Variants in ACACB observed in about 807,000 individuals in gnomAD.
ACACB encodes the protein acetyl-CoA carboxylase beta, also known as acetyl-CoA carboxylase 2.
ACACB carries 209 observed loss-of-function variants against 278.8 expected under a neutral mutation model. That is an observed-to-expected ratio of 0.75 (90% CI 0.67 to 0.84). The LOEUF is 0.84. Ranked by LOEUF, ACACB falls within the 40% of genes least tolerant of loss-of-function variation. The pLI, the probability that ACACB is intolerant of heterozygous loss-of-function variation, is 0.00. For missense variants in ACACB, 2,850 were observed against 3,269.0 expected, an observed-to-expected ratio of 0.87 and a Z score of 3.13; for synonymous variants, 1,174 against 1,285.6, an observed-to-expected ratio of 0.91 and a Z score of 1.86.
At chr12:109,247,732 T>C in intron 40 of ACACB, 29 bp downstream of exon 40, 1 of 1,568,956 alleles carries the variant, frequency 6.4e-7, no homozygotes, top group Non-Finnish European at 8.8e-7. Context: ...AGCTCCTTAA[T>C]TTTGCTCATG....
In ACACB at chr12:109,144,737, T is replaced by C. The variant is rs533459453; in HGVS notation, c.653+4679T>C. On this transcript the variant is annotated intron_variant, in intron 2 of 52. Transcript: ENST00000338432. ...GAGCTTCATAGTTTCTTTCTTTTTC[T>C]TTTTCTTTCTTTCTTTCTTTTTTTT... Among the ~76,000 whole-genome samples, 253 of 100,292 alleles carry C rather than the reference T, an allele frequency of 2.5e-3. 2 individuals carry two copies. Among genetic ancestry groups the C allele is most frequent in the South Asian group, 3.9e-3 (10 of 2,554 alleles). 65.8% of individuals were successfully genotyped at this position (100,292 alleles called of 152,430 possible). A position where few individuals can be genotyped will look rare whatever the true frequency, so the allele number is the denominator to read the frequency against.
chr12:109,178,871 G>A (rs1014546491), intron 9 of ACACB, among the ~76,000 whole-genome samples: 2 of 152,122 alleles, frequency 1.3e-5, no homozygotes, highest in East Asian at 1.9e-4. Context: ...ACCTGGGGCC[G>A]TCCCCCACCT....
intron 25 of ACACB, 32 bp downstream of exon 25, chr12:109,222,652 G>A: frequency 5.0e-6 from 8 of 1,585,310 alleles, no homozygotes; most frequent in Non-Finnish European, 5.2e-6. Context: ...CCCACGATGT[G>A]CGTTTCCCCC....
At chr12:109,185,882 G>T in intron 12 of ACACB, 142 bp downstream of exon 12, 2 of 705,214 alleles carry the variant, frequency 2.8e-6, no homozygotes, top group Non-Finnish European at 4.4e-6. Context: ...CATGGGAAGG[G>T]ACATCCCATG....
In ACACB at chr12:109,183,204, T is replaced by C. The variant is rs368714093; in HGVS notation, c.1819-2375T>C. Among the ~76,000 whole-genome samples, 230 of 152,330 alleles carry C rather than the reference T, an allele frequency of 1.5e-3. 1 individual carries two copies. The highest frequency in any genetic ancestry group is 3.9e-3 in the South Asian group (19 of 4,830). ...TGTAGCTCTGTAATATAACTCATAG[T>C]CAGGTAATTCAATTCCTCCAGTGTT... On this transcript the variant is annotated intron_variant, in intron 11 of 52. Coordinates refer to ENST00000338432, the MANE Select transcript of ACACB (RefSeq NM_001093.4).
intron 9 of ACACB, among the ~76,000 whole-genome samples, chr12:109,177,506 T>A (rs985379090): frequency 1.3e-5 from 2 of 152,200 alleles, no homozygotes; most frequent in Non-Finnish European, 2.9e-5. Flanking sequence ...AATATGTGAA[T>A]GTTGTATAAA....
chr12:109,111,559 TTTC>T, the ACACB span: 2 of 143,972 alleles, frequency 1.4e-5, no homozygotes, highest in African/African-American at 5.1e-5. Flanking sequence ...TTTCTTTCTT[TTTC>T]TTTTTTTTTT....
chr12:109,242,381 T>C (rs894809127), intron 36 of ACACB, 56 bp from the exon 37 acceptor site: 51 of 1,566,948 alleles, frequency 3.3e-5, no homozygotes, highest in Non-Finnish European at 4.2e-5. Context: ...CAGAAATAAA[T>C]TGGGGGAGAT....
intron 31 of ACACB, 99 bp from the exon 32 acceptor site, chr12:109,235,214 A>G (rs1329975929): frequency 2.0e-6 from 2 of 1,000,260 alleles, no homozygotes; most frequent in South Asian, 1.3e-5. Flanking sequence ...TCCACTTAGC[A>G]TAATGTTTAC....
rs748370787 is a variant in ACACB at position 109,139,579 on chromosome 12, G to A, written c.174G>A (p.Pro58=). 4.8e-5 allele frequency: 77 copies of A among 1,613,868 alleles called. No homozygotes were observed. The highest frequency in any genetic ancestry group is 1.8e-4 in the Admixed American group (11 of 59,984). The change falls in exon 2 of 53, where the codon CCG becomes CCA. Residue 58 remains proline (P), a synonymous_variant. Coordinates refer to ENST00000338432, the MANE Select transcript of ACACB (RefSeq NM_001093.4). ...CCTCTGATAACTCAGGGGAGACACC[G>A]CAGAGAAATGGGGAGGGCCACACTC... is the stretch of plus-strand genomic sequence containing the variant. The part of the protein sequence containing the change: ...FPASDNSGET[P]QRNGEGHTLP...
In ACACB at chr12:109,235,667, T is replaced by C; in HGVS notation, c.4446+20T>C. 1 of 1,601,768 alleles carries C rather than the reference T, an allele frequency of 6.2e-7. No individual in the cohort carries two copies. Among genetic ancestry groups the C allele is most frequent in the South Asian group, 1.1e-5 (1 of 90,270 alleles). ...GATGAGGTATGGCCAAAAGTAATGATGTTTTCTCTTCTCTAGCATCTTGTT... is the reference window on the plus strand; with the variant it reads ...GATGAGGTATGGCCAAAAGTAATGACGTTTTCTCTTCTCTAGCATCTTGTT... On this transcript the variant is annotated intron_variant, in intron 33 of 52. Coordinates refer to ENST00000338432, the MANE Select transcript of ACACB (RefSeq NM_001093.4).
intron 39 of ACACB, among the ~76,000 whole-genome samples, chr12:109,246,694 T>TAA (rs1325577558): frequency 6.6e-6 from 1 of 152,080 alleles, no homozygotes; most frequent in Non-Finnish European, 1.5e-5. Context: ...AAAAAGTCTA[T>TAA]AAACCCTGAG....
In ACACB at chr12:109,171,914, G is replaced by C. The variant is rs746611312; in HGVS notation, c.1035G>C (p.Gln345His). The C allele has an allele frequency of 3.1e-6, 5 of 1,613,194 alleles. No individual in the cohort carries two copies. In the Admixed American group the frequency reaches 6.7e-5, roughly 22 times the overall value. Reference sequence around the variant, plus strand: ...ACATTGCCAAGAGAATCCCCGTGCAGGTAGATGGACTGGGGTGCCCAAGTG... The same window carrying C: ...ACATTGCCAAGAGAATCCCCGTGCACGTAGATGGACTGGGGTGCCCAAGTG... Reference protein sequence around the residue: ...IVDIAKRIPVQAVWAGWGHAS... With the variant: ...IVDIAKRIPVHAVWAGWGHAS... Residue 345 changes from glutamine (Q) to histidine (H), a missense_variant and splice_region_variant, in exon 5 of 53, where the codon CAG (glutamine) becomes CAC (histidine). Gln to His is a conservative substitution (Grantham distance 24, BLOSUM62 0). Around this residue, in one of 3 missense-constraint regions of ACACB, gnomAD observed 2,265 missense variants for 2,561.3 expected, o/e 0.88. Coordinates refer to ENST00000338432, the MANE Select transcript of ACACB (RefSeq NM_001093.4).
chr12:109,193,264 C>T (rs1450919136), intron 15 of ACACB, among the ~76,000 whole-genome samples: 4 of 144,268 alleles, frequency 2.8e-5, no homozygotes, highest in African/African-American at 1.0e-4. Flanking sequence ...GTCACACAGG[C>T]TGGAGTGCAA....
At chr12:109,196,079 A>G (rs1213244078) in intron 16 of ACACB, among the ~76,000 whole-genome samples, 1 of 152,122 alleles carries the variant, frequency 6.6e-6, no homozygotes, top group African/African-American at 2.4e-5. Flanking sequence ...TAAACTGTGA[A>G]TTTTATAGGT....
At chr12:109,119,161 T>C (rs1328395222) in intron 1 of ACACB, among the ~76,000 whole-genome samples, 1 of 152,202 alleles carries the variant, frequency 6.6e-6, no homozygotes, top group African/African-American at 2.4e-5. Context: ...ATTTCCATGA[T>C]GGGCTCAGGC....
intron 11 of ACACB, 22 bp downstream of exon 11, chr12:109,180,109 C>T: frequency 1.2e-6 from 2 of 1,604,746 alleles, no homozygotes; most frequent in African/African-American, 1.3e-5. Context: ...GGCTTGGGGC[C>T]CTGGGACTTC....
chr12:109,166,787 G>C (rs2043920551), intron 2 of ACACB, 74 bp from the exon 3 acceptor site: 2 of 1,595,640 alleles, frequency 1.3e-6, no homozygotes, highest in South Asian at 2.2e-5. Context: ...TGCTCCACTG[G>C]CTTTACAGGT....
At chr12:109,131,913 C>T (rs1593370455) in intron 1 of ACACB, among the ~76,000 whole-genome samples, 1 of 152,146 alleles carries the variant, frequency 6.6e-6, no homozygotes, top group East Asian at 1.9e-4. Context: ...CCCACGCCAC[C>T]GTCTGGCACC....
Sources: gnomAD v4.1 joint callset for allele counts (sites outside exome capture counted in the v4.1 genomes callset) on GRCh38, gnomAD v4.1.1 for gene constraint, gnomAD v4.1.1 regional missense constraint, MANE v1.5 for transcripts, NCBI Gene and HGNC (gene_info 2026-07-23, HGNC 2026-07-21) for gene names.